Variants in ARHGEF9 observed in about 807,000 individuals in gnomAD.
ARHGEF9 encodes the protein Cdc42 guanine nucleotide exchange factor 9, also known as rho guanine nucleotide exchange factor 9.
Under a neutral mutation model 41.3 loss-of-function variants are expected in ARHGEF9, and 2 were observed. The ratio of observed to expected loss-of-function variants is 0.05; its 90% CI spans 0.02 to 0.15. The LOEUF is 0.15. ARHGEF9 is among the 10% of genes least tolerant of loss of function. The probability of loss-of-function intolerance (pLI) is 1.00; values close to 1 mark genes in which losing one functional copy is unlikely to be tolerated. For synonymous variants in ARHGEF9, 160 were observed against 154.4 expected (o/e 1.04, Z -0.27); for missense variants, 225 against 424.7 (o/e 0.53, Z 4.13).
At chrX:63,780,342 T>C (rs7057806) in intron 1 of ARHGEF9, among the ~76,000 whole-genome samples, 3,574 of 111,038 alleles carry the variant, frequency 0.032, 157 homozygotes, top group African/African-American at 0.11. Flanking sequence ...GGTCATTCCA[T>C]CTGGAGAGAT....
At chrX:63,695,156 G>A (rs1254425973) in intron 4 of ARHGEF9, among the ~76,000 whole-genome samples, 3 of 111,905 alleles carry the variant, frequency 2.7e-5, no homozygotes, top group African/African-American at 6.5e-5. Context: ...CAACTGGGTA[G>A]CAAGGCATTG....
chrX:63,757,996 C>T (rs1288482490), intron 1 of ARHGEF9, among the ~76,000 whole-genome samples: 1 of 112,212 alleles, frequency 8.9e-6, no homozygotes, highest in Non-Finnish European at 1.9e-5. Flanking sequence ...GTTGGTGAGC[C>T]AGAAGTCATG....
intron 1 of ARHGEF9, among the ~76,000 whole-genome samples, chrX:63,763,966 C>A (rs1377962233): frequency 1.8e-5 from 2 of 111,626 alleles, no homozygotes; most frequent in African/African-American, 6.5e-5. Flanking sequence ...ATGATGAGAT[C>A]ATGGATTTGA....
At chrX:63,695,977 C>T (rs1294058786) in intron 4 of ARHGEF9, among the ~76,000 whole-genome samples, 1 of 111,750 alleles carries the variant, frequency 8.9e-6, no homozygotes, top group Non-Finnish European at 1.9e-5. Flanking sequence ...GGATGGACTC[C>T]TGAAAGCTTG....
intron 7 of ARHGEF9, among the ~76,000 whole-genome samples, chrX:63,664,388 T>A (rs1291246845): frequency 3.6e-5 from 4 of 112,659 alleles, no homozygotes; most frequent in Non-Finnish European, 7.5e-5. Context: ...GGCTAACAGA[T>A]GCCAAAATTA....
At chrX:63,647,266 T>A (rs1268597975) in intron 8 of ARHGEF9, among the ~76,000 whole-genome samples, 1 of 111,858 alleles carries the variant, frequency 8.9e-6, no homozygotes, top group Non-Finnish European at 1.9e-5. Context: ...TCCAACACTA[T>A]GTTGAATAGG....
chrX:63,675,043 C>T (rs1195619902), intron 5 of ARHGEF9, among the ~76,000 whole-genome samples: 3 of 110,730 alleles, frequency 2.7e-5, no homozygotes, highest in Non-Finnish European at 5.7e-5. Context: ...ATGTGATGGC[C>T]GAACCTCTGG....
At chrX:63,641,866 T>C (rs1403565652) in intron 9 of ARHGEF9, 1 of 111,625 alleles carries the variant, frequency 9.0e-6, no homozygotes, top group Non-Finnish European at 1.9e-5. Flanking sequence ...GCTGCCAGCA[T>C]GGCCAGAATA....
chrX:63,667,047 C>T (rs185627585), intron 6 of ARHGEF9, among the ~76,000 whole-genome samples: 1 of 111,806 alleles, frequency 8.9e-6, no homozygotes, highest in Non-Finnish European at 1.9e-5. Flanking sequence ...AAACCAACAC[C>T]GAAGTTGTGG....
chrX:63,693,163 T>C (rs1263373832), intron 4 of ARHGEF9, among the ~76,000 whole-genome samples: 1 of 112,017 alleles, frequency 8.9e-6, no homozygotes, highest in Non-Finnish European at 1.9e-5. Flanking sequence ...CAGTTAACAA[T>C]AATTAATGGC....
chrX:63,637,846 C>CTGTGTGTG lies in ARHGEF9; in HGVS notation c.*174_*181dup. On this transcript the variant is annotated 3_prime_UTR_variant, in exon 10 of 10. Transcript: ENST00000671741. ...GAAAACACTTTTGTTCCTTATCTCTCTGTGTGTGTGTGTGTGTGTGTGTGT... is the reference window on the plus strand; with the variant it reads ...GAAAACACTTTTGTTCCTTATCTCTCTGTGTGTGTGTGTGTGTGTGTGTGTGTGTGTGT... 9.6e-6 allele frequency: 3 copies of CTGTGTGTG among 313,583 alleles called. No homozygotes were observed. In the East Asian group the frequency reaches 1.5e-4, roughly 15 times the overall value. 25.8% of individuals were successfully genotyped at this position (313,583 alleles called of 1,213,427 possible). A position where few individuals can be genotyped will look rare whatever the true frequency, so the allele number is the denominator to read the frequency against.
intron 1 of ARHGEF9, among the ~76,000 whole-genome samples, chrX:63,768,735 G>C (rs1428159700): frequency 1.5e-4 from 17 of 111,773 alleles, no homozygotes; most frequent in Non-Finnish European, 3.2e-4. Flanking sequence ...GAGTTCTCAT[G>C]ACAGCTGATG....
At chrX:63,700,903 C>A (rs781802984) in intron 3 of ARHGEF9, among the ~76,000 whole-genome samples, 1 of 111,110 alleles carries the variant, frequency 9.0e-6, no homozygotes, top group Non-Finnish European at 1.9e-5. Flanking sequence ...TTTCCTAGAG[C>A]CTAATCTCTG....
intron 3 of ARHGEF9, among the ~76,000 whole-genome samples, chrX:63,700,920 A>G (rs1324827094): frequency 1.3e-4 from 14 of 111,248 alleles, no homozygotes; most frequent in African/African-American, 3.9e-4. Context: ...TCTGTCTCCT[A>G]GGAGTAAAGT....
intron 1 of ARHGEF9, among the ~76,000 whole-genome samples, chrX:63,737,445 A>G (rs782808004): frequency 8.9e-6 from 1 of 111,855 alleles, no homozygotes; most frequent in Non-Finnish European, 1.9e-5. Flanking sequence ...GTGGCCCCCC[A>G]AAAAAAATGA....
intron 1 of ARHGEF9, among the ~76,000 whole-genome samples, chrX:63,777,059 T>G (rs1168375346): frequency 8.9e-6 from 1 of 111,990 alleles, no homozygotes; most frequent in Admixed American, 9.5e-5. Flanking sequence ...AAGCATGTCA[T>G]GTATTAGCCC....
In ARHGEF9 at chrX:63,715,863, C is replaced by A. The variant is rs781937911; in HGVS notation, c.210+8669G>T. 5 of 112,113 alleles carry A rather than the reference C, an allele frequency of 4.5e-5. No homozygotes were observed. In the East Asian group the frequency reaches 1.4e-3, roughly 31 times the overall value. The allele number at this position is 112,113 out of a possible 1,213,427, so 9.2% of individuals were successfully genotyped here. A position where few individuals can be genotyped will look rare whatever the true frequency, so the allele number is the denominator to read the frequency against. ...AATGAGTGTGAATGGGTATGGAGTT[C>A]TTTTTGTGGTGATAAAAAAGTTCTG... On this transcript the variant is annotated intron_variant, in intron 2 of 9. Transcript: ENST00000671741.
chrX:63,781,242 A>T (rs1373783623), intron 1 of ARHGEF9, among the ~76,000 whole-genome samples: 3 of 112,057 alleles, frequency 2.7e-5, no homozygotes, highest in African/African-American at 6.5e-5. Context: ...ACTGAAAATA[A>T]TTTTTTCATA....
chrX:63,700,899 A>G (rs2052114478), intron 3 of ARHGEF9, among the ~76,000 whole-genome samples: 1 of 111,416 alleles, frequency 9.0e-6, no homozygotes, highest in African/African-American at 3.3e-5. Flanking sequence ...GCAGTTTCCT[A>G]GAGCCTAATC....
Sources: gnomAD v4.1 joint callset for allele counts (sites outside exome capture counted in the v4.1 genomes callset) on GRCh38, gnomAD v4.1.1 for gene constraint, MANE v1.5 for transcripts, NCBI Gene and HGNC (gene_info 2026-07-23, HGNC 2026-07-21) for gene names.